KDM4C: variants seen among roughly 807,000 people sequenced by gnomAD.
KDM4C encodes the protein lysine-specific demethylase 4C.
In KDM4C, 81 loss-of-function variants were observed where a neutral mutation model predicts 129.3. The observed-to-expected ratio is 0.63, with a 90% CI of 0.52 to 0.75. The LOEUF (loss-of-function observed/expected upper bound fraction) is 0.75, where lower values mean the gene tolerates loss of function less well. Among genes scored for constraint, KDM4C ranks in the 30% least tolerant of loss-of-function variants. The probability of loss-of-function intolerance (pLI) is 0.00; values close to 1 mark genes in which losing one functional copy is unlikely to be tolerated. For missense variants in KDM4C, 1,457 were observed against 1,304.0 expected, an observed-to-expected ratio of 1.12 and a Z score of -1.81; for synonymous variants, 573 against 456.1, an observed-to-expected ratio of 1.26 and a Z score of -3.26.
At chr9:7,135,558 T>C (rs1841111480) in intron 19 of KDM4C, among the ~76,000 whole-genome samples, 1 of 152,136 alleles carries the variant, frequency 6.6e-6, no homozygotes, top group Non-Finnish European at 1.5e-5. Context: ...ATGAGCCAAA[T>C]CCACTCCATG....
chr9:6,929,095 CT>C (rs1476500612), intron 8 of KDM4C, among the ~76,000 whole-genome samples: 2 of 152,210 alleles, frequency 1.3e-5, no homozygotes, highest in African/African-American at 4.8e-5. Context: ...ACTGCTTCCT[CT>C]TTTGTGAAGA....
chr9:6,782,162 C>A (rs1233236302), intron 1 of KDM4C, among the ~76,000 whole-genome samples: 1 of 152,042 alleles, frequency 6.6e-6, no homozygotes, highest in Non-Finnish European at 1.5e-5. Flanking sequence ...TTTGTAGATA[C>A]GGAATCTGTG....
chr9:6,761,489 A>G (rs948310860), intron 1 of KDM4C, among the ~76,000 whole-genome samples: 1 of 151,922 alleles, frequency 6.6e-6, no homozygotes, highest in Non-Finnish European at 1.5e-5. Flanking sequence ...GGTACATGCC[A>G]TCATGCCTGG....
At chr9:6,924,451 G>A (rs553303864) in intron 8 of KDM4C, among the ~76,000 whole-genome samples, 2 of 152,276 alleles carry the variant, frequency 1.3e-5, no homozygotes, top group African/African-American at 4.8e-5. Context: ...GGGCTGCAGC[G>A]CTCTGTTGGA....
intron 19 of KDM4C, among the ~76,000 whole-genome samples, chr9:7,151,044 C>T (rs1315720685): frequency 1.3e-5 from 2 of 152,142 alleles, no homozygotes; most frequent in Non-Finnish European, 2.9e-5. Context: ...GGCACTGTGG[C>T]TCACACCTGT....
At chr9:7,103,636 C>G in intron 17 of KDM4C, 49 bp from the exon 18 acceptor site, 1 of 1,237,190 alleles carries the variant, frequency 8.1e-7, no homozygotes, top group Non-Finnish European at 1.2e-6. Flanking sequence ...TGGGAACTGA[C>G]TGGGTTACAG....
At chr9:7,030,996 A>G (rs1826633137) in intron 15 of KDM4C, among the ~76,000 whole-genome samples, 1 of 152,124 alleles carries the variant, frequency 6.6e-6, no homozygotes, top group Non-Finnish European at 1.5e-5. Flanking sequence ...AGAAAGTTGT[A>G]TTTATTATGT....
intron 1 of KDM4C, among the ~76,000 whole-genome samples, chr9:6,786,469 G>A (rs1024632220): frequency 6.6e-6 from 1 of 152,212 alleles, no homozygotes; most frequent in African/African-American, 2.4e-5. Context: ...CAAGATAACA[G>A]TTGCCTTCAG....
At chr9:6,908,806 A>G (rs892473282) in intron 8 of KDM4C, among the ~76,000 whole-genome samples, 2 of 152,186 alleles carry the variant, frequency 1.3e-5, no homozygotes, top group Non-Finnish European at 2.9e-5. Flanking sequence ...ATCTTGGGCA[A>G]TTCATCTATA....
rs192316111 is a variant in KDM4C at position 7,014,658 on chromosome 9, C to G, written c.2182+657C>G. On this transcript the variant is annotated intron_variant, in intron 14 of 21. Coordinates refer to ENST00000381309, the MANE Select transcript of KDM4C (RefSeq NM_015061.6). ...TTTAAGGCATTTTAATATTCCAGATCTTACCAAATCACACATTCTAGTAAC... is the reference window on the plus strand; with the variant it reads ...TTTAAGGCATTTTAATATTCCAGATGTTACCAAATCACACATTCTAGTAAC... Among the ~76,000 whole-genome samples, 20 of 152,238 alleles carry G rather than the reference C, an allele frequency of 1.3e-4. No individual in the cohort carries two copies. In the East Asian group the frequency reaches 3.5e-3, roughly 26 times the overall value.
chr9:7,174,810 G>C lies in KDM4C; in HGVS notation c.*81G>C. The C allele has an allele frequency of 1.6e-6, 2 of 1,270,334 alleles. No individual in the cohort carries two copies. The highest frequency in any genetic ancestry group is 1.9e-5 in the Admixed American group (1 of 51,284). 78.7% of individuals were successfully genotyped at this position (1,270,334 alleles called of 1,614,324 possible). Reference sequence around the variant, plus strand: ...AGGGACATCCTTGGGGCTGTGCCGTGAGTTTTGCTGGCATAGGTGACAGGG... The same window carrying C: ...AGGGACATCCTTGGGGCTGTGCCGTCAGTTTTGCTGGCATAGGTGACAGGG... On this transcript the variant is annotated 3_prime_UTR_variant, in exon 22 of 22. Transcript: ENST00000381309.
chr9:6,754,162 T>C (rs1353770221), upstream of KDM4C, among the ~76,000 whole-genome samples: 2 of 151,396 alleles, frequency 1.3e-5, no homozygotes, highest in African/African-American at 4.9e-5. Context: ...AGGCGTGAGC[T>C]ACCGAGCCCA....
chr9:7,095,061 G>T (rs1262548016), intron 17 of KDM4C, among the ~76,000 whole-genome samples: 1 of 152,204 alleles, frequency 6.6e-6, no homozygotes, highest in African/African-American at 2.4e-5. Flanking sequence ...AGTATATATA[G>T]CAGGAATATC....
intron 14 of KDM4C, 116 bp from the exon 15 acceptor site, chr9:7,015,737 G>T: frequency 1.5e-6 from 1 of 645,340 alleles, no homozygotes; most frequent in Middle Eastern, 2.9e-4. Context: ...TATACAGTGA[G>T]AATCAAGACA....
At chr9:6,835,688 T>C (rs1835757482) in intron 4 of KDM4C, 1 of 700,522 alleles carries the variant, frequency 1.4e-6, no homozygotes. Context: ...GTTTTTGTTT[T>C]TGTTTTTGTT....
chr9:6,756,832 C>T (rs1372441911), upstream of KDM4C, among the ~76,000 whole-genome samples: 1 of 152,224 alleles, frequency 6.6e-6, no homozygotes, highest in Non-Finnish European at 1.5e-5. Flanking sequence ...TCTGTCCTCA[C>T]AATGTTCACC....
chr9:6,843,055 G>A (rs907888171), intron 4 of KDM4C, among the ~76,000 whole-genome samples: 1 of 152,116 alleles, frequency 6.6e-6, no homozygotes, highest in African/African-American at 2.4e-5. Flanking sequence ...TCAGCCTCCC[G>A]AGTAGCTGGG....
intron 1 of KDM4C, among the ~76,000 whole-genome samples, chr9:6,751,034 A>G (rs1818048345): frequency 6.6e-6 from 1 of 152,164 alleles, no homozygotes; most frequent in African/African-American, 2.4e-5. Flanking sequence ...TCCTTACATG[A>G]CAGTCTCAGG....
In KDM4C at chr9:7,121,629, T is replaced by C. The variant is rs75072075; in HGVS notation, c.2611-6437T>C. 7.4e-3 allele frequency among the ~76,000 whole-genome samples: 1,123 copies of C among 152,254 alleles called. 20 individuals carry two copies. The highest frequency in any genetic ancestry group is 0.026 in the African/African-American group (1,078 of 41,544). On this transcript the variant is annotated intron_variant, in intron 18 of 21. Transcript: ENST00000381309. ...CACAGTGTACACGTGTGTTTACATA[T>C]GTGTACGTAGATGAAAAGTGAGAGC...
Sources: allele counts gnomAD v4.1 joint callset (sites outside exome capture counted in the v4.1 genomes callset), GRCh38; gene constraint gnomAD v4.1.1; transcripts MANE v1.5; gene names NCBI Gene and HGNC (gene_info 2026-07-23, HGNC 2026-07-21).